The following ERBB4 variants were observed in gnomAD, a reference collection of about 807,000 sequenced individuals.
ERBB4 encodes the protein receptor tyrosine-protein kinase erbB-4.
In ERBB4, 42 loss-of-function variants were observed where a neutral mutation model predicts 158.0. That is an observed-to-expected ratio of 0.27 (90% CI 0.21 to 0.34). The LOEUF is 0.34. Ranked by LOEUF, ERBB4 falls within the 10% of genes least tolerant of loss-of-function variation. The pLI is 1.00. For synonymous variants in ERBB4, 583 were observed against 558.7 expected, an observed-to-expected ratio of 1.04 and a Z score of -0.61; for missense variants, 1,333 against 1,624.1, an observed-to-expected ratio of 0.82 and a Z score of 3.08.
chr2:211,550,253 T>A (rs2067050260), intron 20 of ERBB4, among the ~76,000 whole-genome samples: 1 of 152,026 alleles, frequency 6.6e-6, no homozygotes, highest in Non-Finnish European at 1.5e-5. Flanking sequence ...CTTCTGTACC[T>A]TAAGTCTGTA....
intron 1 of ERBB4, among the ~76,000 whole-genome samples, chr2:212,393,899 GC>G (rs1242934169): frequency 6.6e-6 from 1 of 152,040 alleles, no homozygotes; most frequent in Non-Finnish European, 1.5e-5. Context: ...TAGGCCAGAT[GC>G]AAAAATGCCT....
chr2:212,128,184 G>A (rs16847752), intron 1 of ERBB4, among the ~76,000 whole-genome samples: 3,306 of 152,220 alleles, frequency 0.022, 126 homozygotes, highest in African/African-American at 0.076. Flanking sequence ...ACGGATGGAT[G>A]CTATGGTAAA....
At position 212,395,224 on chromosome 2, in the gene ERBB4, C is replaced by T. The variant is rs770774036; in HGVS notation, c.82+143225G>A. 2.4e-4 allele frequency among the ~76,000 whole-genome samples: 37 copies of T among 151,954 alleles called. 1 individual carries two copies. Among genetic ancestry groups the T allele is most frequent in the South Asian group, 6.3e-4 (3 of 4,796 alleles). ...TACTAAAAAGTCAAGGTAGAATCCT[C>T]GCATTATTCTTAATTTTTTATCAGA... On this transcript the variant is annotated intron_variant, in intron 1 of 27. Transcript: ENST00000342788.
At chr2:211,638,319 T>C (rs764327299) in intron 16 of ERBB4, among the ~76,000 whole-genome samples, 4 of 152,086 alleles carry the variant, frequency 2.6e-5, no homozygotes, top group East Asian at 1.9e-4. Flanking sequence ...CCAGGAAACA[T>C]TGAAATTCCC....
At chr2:212,442,547 G>T (rs758219383) in intron 1 of ERBB4, among the ~76,000 whole-genome samples, 2 of 152,090 alleles carry the variant, frequency 1.3e-5, no homozygotes, top group African/African-American at 4.8e-5. Context: ...AGATCACTGT[G>T]GTCCTCCAGT....
intron 2 of ERBB4, among the ~76,000 whole-genome samples, chr2:212,070,950 A>T (rs1162009809): frequency 6.6e-6 from 1 of 151,904 alleles, no homozygotes; most frequent in Non-Finnish European, 1.5e-5. Flanking sequence ...TATGTTTTAA[A>T]ATTTTGTTTT....
intron 5 of ERBB4, among the ~76,000 whole-genome samples, chr2:211,725,815 C>T (rs938710773): frequency 2.1e-4 from 28 of 132,126 alleles, no homozygotes; most frequent in East Asian, 6.2e-4. Flanking sequence ...ATATTTTACA[C>T]GAGGAAAGAA....
At chr2:211,918,732 T>C (rs2079772212) in intron 3 of ERBB4, among the ~76,000 whole-genome samples, 2 of 152,110 alleles carry the variant, frequency 1.3e-5, no homozygotes, top group African/African-American at 4.8e-5. Context: ...GGGAAAGCCA[T>C]TAAGAGCTGG....
intron 2 of ERBB4, among the ~76,000 whole-genome samples, chr2:212,015,502 G>T (rs2076508605): frequency 6.6e-6 from 1 of 151,956 alleles, no homozygotes; most frequent in East Asian, 1.9e-4. Context: ...TTGTGCCTGG[G>T]ACCTGTTTCT....
intron 1 of ERBB4, among the ~76,000 whole-genome samples, chr2:212,136,516 C>A (rs187496654): frequency 6.6e-6 from 1 of 152,288 alleles, no homozygotes; most frequent in Admixed American, 6.5e-5. Context: ...GCAATAGGTA[C>A]CTTCATGCAA....
At chr2:211,890,303 C>G (rs2078928635) in intron 3 of ERBB4, among the ~76,000 whole-genome samples, 1 of 124,644 alleles carries the variant, frequency 8.0e-6, no homozygotes, top group African/African-American at 3.2e-5. Context: ...TCCAGCCAAA[C>G]TAAGCTTCAT....
intron 2 of ERBB4, among the ~76,000 whole-genome samples, chr2:212,028,561 T>C (rs1033996453): frequency 6.6e-6 from 1 of 152,100 alleles, no homozygotes; most frequent in Non-Finnish European, 1.5e-5. Context: ...GTTGTTCCAT[T>C]CTAGGCAGGG....
intron 3 of ERBB4, among the ~76,000 whole-genome samples, chr2:211,935,433 A>C (rs1334636150): frequency 6.6e-6 from 1 of 152,104 alleles, no homozygotes; most frequent in Non-Finnish European, 1.5e-5. Context: ...AAAGGTGAAT[A>C]CATTCATCTG....
chr2:211,715,404 C>A (rs1035167044), intron 7 of ERBB4, among the ~76,000 whole-genome samples: 7 of 152,198 alleles, frequency 4.6e-5, no homozygotes, highest in Admixed American at 1.3e-4. Flanking sequence ...TCCTTAATAA[C>A]CTAATCTCTA....
chr2:211,532,666 G>A (rs941332993), intron 20 of ERBB4, among the ~76,000 whole-genome samples: 3 of 151,884 alleles, frequency 2.0e-5, no homozygotes, highest in African/African-American at 7.2e-5. Context: ...ACAATTTTGT[G>A]TGCCAGCTGA....
chr2:211,504,272 T>A (rs1043155279), intron 20 of ERBB4, among the ~76,000 whole-genome samples: 1 of 152,044 alleles, frequency 6.6e-6, no homozygotes, highest in African/African-American at 2.4e-5. Flanking sequence ...CCAGATAATA[T>A]GCACAGCACA....
chr2:211,449,475 A>C (rs2064190032), intron 20 of ERBB4, among the ~76,000 whole-genome samples: 1 of 152,178 alleles, frequency 6.6e-6, no homozygotes, highest in African/African-American at 2.4e-5. Flanking sequence ...TGAATGTGCT[A>C]ATTGTTCTTT....
At chr2:211,867,176 G>A (rs540472358) in intron 3 of ERBB4, among the ~76,000 whole-genome samples, 3 of 151,894 alleles carry the variant, frequency 2.0e-5, no homozygotes, top group African/African-American at 2.4e-5. Flanking sequence ...TGTTTGTTTC[G>A]CTCAATGCAG....
intron 16 of ERBB4, among the ~76,000 whole-genome samples, chr2:211,646,220 T>C (rs1476333144): frequency 1.3e-5 from 2 of 151,616 alleles, no homozygotes; most frequent in Non-Finnish European, 3.0e-5. Context: ...TACATAGACA[T>C]AACATATACA....
Sources: gnomAD v4.1 joint callset for allele counts (sites outside exome capture counted in the v4.1 genomes callset) on GRCh38, gnomAD v4.1.1 for gene constraint, MANE v1.5 for transcripts, NCBI Gene and HGNC (gene_info 2026-07-23, HGNC 2026-07-21) for gene names.